The following CORIN variants were observed in gnomAD, a reference collection of about 807,000 sequenced individuals.
The protein encoded by CORIN is atrial natriuretic peptide-converting enzyme.
CORIN carries 117 observed loss-of-function variants against 125.3 expected under a neutral mutation model. The ratio of observed to expected loss-of-function variants is 0.93; its 90% confidence interval spans 0.80 to 1.09. CORIN has a LOEUF of 1.09. Ranked by LOEUF, CORIN falls within the 50% of genes least tolerant of loss-of-function variation. The probability of loss-of-function intolerance (pLI) is 0.00; values close to 1 mark genes in which losing one functional copy is unlikely to be tolerated. For missense variants in CORIN, 1,253 were observed against 1,306.7 expected, an observed-to-expected ratio of 0.96 and a Z score of 0.63; for synonymous variants, 450 against 466.4, an observed-to-expected ratio of 0.96 and a Z score of 0.45.
chr4:47,779,952 C>A (rs1160574275), intron 3 of CORIN, among the ~76,000 whole-genome samples: 1 of 152,080 alleles, frequency 6.6e-6, no homozygotes, highest in East Asian at 1.9e-4. Context: ...TGGTCATCAT[C>A]CAAATCATTT....
In CORIN at chr4:47,623,096, C is replaced by CTCTCTATATATA. The variant is rs771867590; in HGVS notation, c.2540+474_2540+475insTATATATAGAGA. ...TCTCTCTCTCTCTCTCTCTCTCTCT[C>CTCTCTATATATA]TATATATATATATATATATATACAC... is the stretch of plus-strand genomic sequence containing the variant. On this transcript the variant is annotated intron_variant, in intron 19 of 21. Coordinates refer to ENST00000273857, the MANE Select transcript of CORIN (RefSeq NM_006587.4). Among the ~76,000 whole-genome samples, 554 of 102,218 alleles carry CTCTCTATATATA rather than the reference C, an allele frequency of 5.4e-3. 5 individuals carry two copies. The highest frequency in any genetic ancestry group is 8.0e-3 in the East Asian group (20 of 2,512). 67.1% of individuals were successfully genotyped at this position (102,218 alleles called of 152,430 possible). A position where few individuals can be genotyped will look rare whatever the true frequency, so the allele number is the denominator to read the frequency against.
At chr4:47,619,948 T>C (rs761661566) in intron 19 of CORIN, among the ~76,000 whole-genome samples, 3 of 152,212 alleles carry the variant, frequency 2.0e-5, no homozygotes, top group Non-Finnish European at 4.4e-5. Flanking sequence ...TTTTTTGACA[T>C]ACTATGCAGA....
At chr4:47,618,047 A>G (rs1057111792) in intron 19 of CORIN, among the ~76,000 whole-genome samples, 2 of 150,572 alleles carry the variant, frequency 1.3e-5, no homozygotes, top group African/African-American at 2.4e-5. Flanking sequence ...AGGATTAGAA[A>G]ATGTGGGCTG....
chr4:47,766,041 T>C (rs936815198), intron 3 of CORIN, among the ~76,000 whole-genome samples: 5 of 152,242 alleles, frequency 3.3e-5, no homozygotes, highest in African/African-American at 4.8e-5. Flanking sequence ...TAAAGGGGGC[T>C]TTCTTTGAAA....
chr4:47,671,880 C>T (rs1332478123), intron 10 of CORIN, among the ~76,000 whole-genome samples: 2 of 152,120 alleles, frequency 1.3e-5, no homozygotes, highest in Non-Finnish European at 2.9e-5. Context: ...TGAGCCACCG[C>T]GCCCGGCCTA....
At position 47,665,032 on chromosome 4, in the gene CORIN, C is replaced by T. The variant is rs1344162492; in HGVS notation, c.1589G>A (p.Arg530Lys). ...ACTGGGGTAGATCCCATCATATTAC[C>T]TGCAAGGAGGGATATGCTCGCCTGT... is the stretch of plus-strand genomic sequence containing the variant. The part of the protein sequence containing the change: ...VNTGEHIPPC[R>K]ALCEHSKERC... Residue 530 changes from arginine to lysine, a missense_variant and splice_region_variant, in exon 11 of 22, where the codon AGG becomes AAG. Transcript: ENST00000273857. 6.3e-7 allele frequency: 1 copy of T among 1,595,510 alleles called. No individual in the cohort carries two copies. Among genetic ancestry groups the T allele is most frequent in the Non-Finnish European group, 8.6e-7 (1 of 1,163,530 alleles).
rs780839702 is a variant in CORIN at position 47,600,189 on chromosome 4, CCTTGGTAACCAGAAAG to C, written c.2946+9_2946+24del. On this transcript the variant is annotated intron_variant, in intron 21 of 21. Coordinates refer to ENST00000273857, the MANE Select transcript of CORIN (RefSeq NM_006587.4). ...CTGAAGTTATTGTTGAACTGAATCT[CCTTGGTAACCAGAAAG>C]CAACTTACCATGCATGAATCAACTG... 3.8e-6 allele frequency: 6 copies of C among 1,592,572 alleles called. No homozygotes were observed. Among genetic ancestry groups the C allele is most frequent in the Non-Finnish European group, 5.1e-6 (6 of 1,166,404 alleles).
chr4:47,745,219 C>T (rs1036803521), intron 4 of CORIN, among the ~76,000 whole-genome samples: 1 of 152,194 alleles, frequency 6.6e-6, no homozygotes, highest in African/African-American at 2.4e-5. Flanking sequence ...TCTTTATTCA[C>T]TTAACATGCC....
chr4:47,776,090 G>A (rs1386368501), intron 3 of CORIN, among the ~76,000 whole-genome samples: 2 of 151,510 alleles, frequency 1.3e-5, no homozygotes, highest in Admixed American at 6.6e-5. Context: ...CAAGATCTCG[G>A]CTCACTTCAA....
chr4:47,813,376 C>T (rs530704139), intron 1 of CORIN, among the ~76,000 whole-genome samples: 1 of 152,322 alleles, frequency 6.6e-6, no homozygotes, highest in South Asian at 2.1e-4. Context: ...TAAAAACAAA[C>T]AAAACAAAAC....
chr4:47,717,153 CCA>C (rs1429250196), intron 5 of CORIN, among the ~76,000 whole-genome samples: 6 of 152,234 alleles, frequency 3.9e-5, no homozygotes, highest in African/African-American at 1.4e-4. Context: ...AATCTCAGAA[CCA>C]CAGTTTTTTC....
Position 47,694,377 on chromosome 4 carries a change from T to A in CORIN, c.800-1294A>T, listed in dbSNP as rs553547023. ...AGCTGGGAAAAAAATAACTTTTTTA[T>A]GAGCTCTAGTTTCAGATAAAAAAAA... On this transcript the variant is annotated intron_variant, in intron 5 of 21. Transcript: ENST00000273857. 3.6e-3 allele frequency among the ~76,000 whole-genome samples: 555 copies of A among 152,308 alleles called. 3 individuals carry two copies. Among genetic ancestry groups the A allele is most frequent in the African/African-American group, 0.013 (537 of 41,560 alleles).
Position 47,623,096 on chromosome 4 carries a change from C to CTCTCTCTCTCTCTATATA in CORIN, c.2540+474_2540+475insTATATAGAGAGAGAGAGA, listed in dbSNP as rs771867590. 1.7e-3 allele frequency among the ~76,000 whole-genome samples: 171 copies of CTCTCTCTCTCTCTATATA among 102,258 alleles called. 2 individuals carry two copies. Among genetic ancestry groups the CTCTCTCTCTCTCTATATA allele is most frequent in the African/African-American group, 6.6e-3 (155 of 23,344 alleles). The allele number at this position is 102,258 out of a possible 152,430, so 67.1% of individuals were successfully genotyped here. A position where few individuals can be genotyped will look rare whatever the true frequency, so the allele number is the denominator to read the frequency against. Reference sequence around the variant, plus strand: ...TCTCTCTCTCTCTCTCTCTCTCTCTCTATATATATATATATATATATACAC... The same window carrying CTCTCTCTCTCTCTATATA: ...TCTCTCTCTCTCTCTCTCTCTCTCTCTCTCTCTCTCTCTATATATATATATATATATATATATATACAC... On this transcript the variant is annotated intron_variant, in intron 19 of 21. Coordinates refer to ENST00000273857, the MANE Select transcript of CORIN (RefSeq NM_006587.4).
chr4:47,643,975 G>T (rs2109617997), intron 14 of CORIN, among the ~76,000 whole-genome samples: 1 of 152,320 alleles, frequency 6.6e-6, no homozygotes, highest in East Asian at 1.9e-4. Flanking sequence ...TTGTGTGATT[G>T]TGCTTCACAG....
At chr4:47,734,443 C>A (rs1728030781) in intron 5 of CORIN, among the ~76,000 whole-genome samples, 1 of 152,176 alleles carries the variant, frequency 6.6e-6, no homozygotes, top group South Asian at 2.1e-4. Context: ...AAGTAGGAGC[C>A]TTTCTCTTTT....
chr4:47,642,071 G>T, intron 15 of CORIN, 22 bp from the exon 16 acceptor site: 1 of 1,608,118 alleles, frequency 6.2e-7, no homozygotes, highest in Admixed American at 1.7e-5. Flanking sequence ...AAAGACAAGG[G>T]AAACCCTAAT....
At chr4:47,650,966 A>G (rs1723708366) in intron 13 of CORIN, among the ~76,000 whole-genome samples, 1 of 152,252 alleles carries the variant, frequency 6.6e-6, no homozygotes, top group South Asian at 2.1e-4. Flanking sequence ...AAGCAGCCTC[A>G]ACAGCAAAAA....
In CORIN at chr4:47,622,553, G is replaced by A. The variant is rs199950637; in HGVS notation, c.2540+1018C>T. 0.024 allele frequency among the ~76,000 whole-genome samples: 3,597 copies of A among 151,872 alleles called. 298 individuals are homozygous for A. In the East Asian group the frequency reaches 0.28, roughly 12 times the overall value. Reference sequence around the variant, plus strand: ...TAATGATTGCCATTCTAACTGGTGTGAGATGGTATCTCATTGTGGTTGTGA... The same window carrying A: ...TAATGATTGCCATTCTAACTGGTGTAAGATGGTATCTCATTGTGGTTGTGA... On this transcript the variant is annotated intron_variant, in intron 19 of 21. Transcript: ENST00000273857.
intron 19 of CORIN, among the ~76,000 whole-genome samples, chr4:47,610,391 C>T (rs1354959042): frequency 6.6e-6 from 1 of 151,890 alleles, no homozygotes; most frequent in Non-Finnish European, 1.5e-5. Context: ...TTATTGGCCA[C>T]ATGAATGTCT....
Sources: allele counts gnomAD v4.1 joint callset (sites outside exome capture counted in the v4.1 genomes callset), GRCh38; gene constraint gnomAD v4.1.1; transcripts MANE v1.5; gene names NCBI Gene and HGNC (gene_info 2026-07-23, HGNC 2026-07-21).